The following HYDIN variants were observed in gnomAD, a reference collection of about 807,000 sequenced individuals.
HYDIN encodes HYDIN axonemal central pair apparatus protein.
HYDIN carries 132 observed loss-of-function variants against 403.9 expected under a neutral mutation model. The ratio of observed to expected loss-of-function variants is 0.33; its 90% CI spans 0.28 to 0.38. The LOEUF is 0.38. Among genes scored for constraint, HYDIN ranks in the 10% least tolerant of loss-of-function variants. The pLI is 1.00. For missense variants in HYDIN, 2,827 were observed against 5,009.5 expected (o/e 0.56, Z 13.15); for synonymous variants, 1,202 against 1,891.7 (o/e 0.64, Z 9.46).
Position 70,879,519 on chromosome 16 carries a change from C to T in HYDIN, c.10368-33G>A, listed in dbSNP as rs768715260. ...GGACAGGAAGATTGTAGCCTGTCAG[C>T]CTGGCATGGTGGGAATGACACTCCC... On this transcript the variant is annotated intron_variant, in intron 61 of 85. Coordinates refer to ENST00000393567, the MANE Select transcript of HYDIN (RefSeq NM_001270974.2). 7 of 1,610,024 alleles carry T rather than the reference C, an allele frequency of 4.3e-6. 1 individual carries two copies. The highest frequency in any genetic ancestry group is 2.2e-5 in the South Asian group (2 of 90,518).
At chr16:71,042,670 A>T (rs8046711) in intron 18 of HYDIN, among the ~76,000 whole-genome samples, 1 of 152,190 alleles carries the variant, frequency 6.6e-6, no homozygotes. Context: ...GTTTTCATGT[A>T]TCTATCATGG....
chr16:71,162,116 AC>A (rs927191836), intron 6 of HYDIN, among the ~76,000 whole-genome samples: 2 of 147,760 alleles, frequency 1.4e-5, no homozygotes, highest in Non-Finnish European at 3.0e-5. Context: ...GCAACTTCTG[AC>A]CCACTGAAAA....
chr16:71,190,346 T>TAAAA lies in HYDIN; in HGVS notation c.-23-3432_-23-3429dup, dbSNP rs11330665. On this transcript the variant is annotated intron_variant, in intron 1 of 85. Coordinates refer to ENST00000393567, the MANE Select transcript of HYDIN (RefSeq NM_001270974.2). ...AACCAAAGATGAGACAATTTGAGCA[T>TAAAA]AAAAAAAAAAAAGTCGGCAATAGAT... Among the ~76,000 whole-genome samples the TAAAA allele has an allele frequency of 1.8e-3, 266 of 147,976 alleles. 1 individual carries two copies. Among genetic ancestry groups the TAAAA allele is most frequent in the African/African-American group, 5.4e-3 (221 of 40,746 alleles).
At chr16:70,919,301 G>A (rs1394381807) in intron 46 of HYDIN, among the ~76,000 whole-genome samples, 1 of 152,104 alleles carries the variant, frequency 6.6e-6, no homozygotes, top group East Asian at 1.9e-4. Context: ...AGATGTTCTT[G>A]TTATAGTCCT....
intron 10 of HYDIN, among the ~76,000 whole-genome samples, chr16:71,098,203 C>CTTT (rs374205374): frequency 7.7e-6 from 1 of 130,382 alleles, no homozygotes; most frequent in Non-Finnish European, 1.5e-5. Context: ...AACTTTCTTT[C>CTTT]TTTTTTTTTT....
intron 6 of HYDIN, among the ~76,000 whole-genome samples, chr16:71,154,317 C>T (rs909017646): frequency 1.4e-5 from 2 of 146,926 alleles, no homozygotes; most frequent in African/African-American, 2.5e-5. Context: ...TTATGGGGTA[C>T]GTGAGATGTT....
At chr16:70,811,257 A>G (rs1411207648) in intron 84 of HYDIN, 1 of 152,062 alleles carries the variant, frequency 6.6e-6, no homozygotes, top group Non-Finnish European at 1.5e-5. Flanking sequence ...GCCTGTTTCT[A>G]CAAACAACAA....
chr16:71,092,565 G>A (rs1455996974), intron 11 of HYDIN, among the ~76,000 whole-genome samples: 1 of 152,064 alleles, frequency 6.6e-6, no homozygotes, highest in Admixed American at 6.6e-5. Context: ...GGTTTTTATT[G>A]TTTTGGGGTG....
rs202163718 is a variant in HYDIN at position 71,050,633 on chromosome 16, G to A, written c.2529+9871C>T. ...GCCTTTTCTAGAACGTCATACAATT[G>A]GAATCATACATATGTAGCCTCTTCA... On this transcript the variant is annotated intron_variant, in intron 18 of 85. Coordinates refer to ENST00000393567, the MANE Select transcript of HYDIN (RefSeq NM_001270974.2). Among the ~76,000 whole-genome samples the A allele has an allele frequency of 7.0e-4, 106 of 151,272 alleles. No homozygotes were observed. The East Asian group carries it at 0.02, about 28-fold the overall frequency.
chr16:70,961,561 T>C (rs903201890), intron 38 of HYDIN, among the ~76,000 whole-genome samples: 3 of 152,014 alleles, frequency 2.0e-5, no homozygotes, highest in African/African-American at 7.2e-5. Context: ...TGCCAGAAAA[T>C]GGGGCCATAA....
Position 71,200,054 on chromosome 16 carries a change from C to T in HYDIN, c.-23-13136G>A, listed in dbSNP as rs191182419. ...AAGCCCACCAAAACCAAGATGGCCA[C>T]GAGAATGACCTCTGGTCGTCTTCAC... On this transcript the variant is annotated intron_variant, in intron 1 of 85. Transcript: ENST00000393567. Among the ~76,000 whole-genome samples the T allele has an allele frequency of 2.2e-4, 33 of 152,258 alleles. No homozygotes were observed. The East Asian group carries it at 5.8e-3, about 27-fold the overall frequency.
chr16:71,038,425 G>C (rs2081170393), intron 18 of HYDIN, among the ~76,000 whole-genome samples: 1 of 151,990 alleles, frequency 6.6e-6, no homozygotes, highest in East Asian at 1.9e-4. Flanking sequence ...ATCACCGGGA[G>C]TGTGGCTAAT....
chr16:71,045,717 G>A (rs1046852745), intron 18 of HYDIN, among the ~76,000 whole-genome samples: 1 of 104,026 alleles, frequency 9.6e-6, no homozygotes, highest in African/African-American at 3.6e-5. Context: ...GTGCTAGGAA[G>A]CATCTTTACA....
intron 36 of HYDIN, among the ~76,000 whole-genome samples, chr16:70,966,865 A>G (rs990807034): frequency 1.3e-4 from 20 of 151,402 alleles, no homozygotes; most frequent in Admixed American, 1.3e-4. Context: ...GGCATTCAAT[A>G]TGTCTTAGTG....
intron 8 of HYDIN, among the ~76,000 whole-genome samples, chr16:71,136,038 G>C (rs1264230704): frequency 6.6e-6 from 1 of 151,750 alleles, no homozygotes; most frequent in African/African-American, 2.4e-5. Flanking sequence ...AAAATGGAAA[G>C]GCAAATAAAA....
At position 71,175,588 on chromosome 16, in the gene HYDIN, T is replaced by C; in HGVS notation, c.516+19A>G. 1 of 1,612,460 alleles carries C rather than the reference T, an allele frequency of 6.2e-7. No individual in the cohort carries two copies. Among genetic ancestry groups the C allele is most frequent in the South Asian group, 1.1e-5 (1 of 90,978 alleles). ...TCTGCCAGTACAAGTGTCCAATTTCTTGCCATTCCTGGTATTACCTTGTTC... is the reference window on the plus strand; with the variant it reads ...TCTGCCAGTACAAGTGTCCAATTTCCTGCCATTCCTGGTATTACCTTGTTC... On this transcript the variant is annotated intron_variant, in intron 5 of 85. Transcript: ENST00000393567.
At chr16:71,178,280 G>A (rs1597959584) in intron 4 of HYDIN, among the ~76,000 whole-genome samples, 1 of 151,824 alleles carries the variant, frequency 6.6e-6, no homozygotes, top group South Asian at 2.1e-4. Context: ...TTAGTTGCGT[G>A]TGGTGGCGCA....
At position 70,965,920 on chromosome 16, in the gene HYDIN, A is replaced by G. The variant is rs368030785; in HGVS notation, c.5620-1024T>C. The stretch of plus-strand genomic sequence containing the variant: ...GTGGCAATGATGCTGGGAAAGACAC[A>G]TTGACCACTGAAATAGAAGAGAGAG... On this transcript the variant is annotated intron_variant, in intron 36 of 85. Coordinates refer to ENST00000393567, the MANE Select transcript of HYDIN (RefSeq NM_001270974.2). Among the ~76,000 whole-genome samples, 66 of 152,322 alleles carry G rather than the reference A, an allele frequency of 4.3e-4. 1 individual carries two copies. Among genetic ancestry groups the G allele is most frequent in the African/African-American group, 1.5e-3 (64 of 41,578 alleles).
chr16:70,945,016 G>A (rs575107574), intron 41 of HYDIN, among the ~76,000 whole-genome samples: 61 of 152,332 alleles, frequency 4.0e-4, no homozygotes, highest in African/African-American at 1.5e-3. Flanking sequence ...GCCTCCCAAA[G>A]TGCTGGGATT....
Sources: allele counts gnomAD v4.1 joint callset (sites outside exome capture counted in the v4.1 genomes callset), GRCh38; gene constraint gnomAD v4.1.1; transcripts MANE v1.5; gene names NCBI Gene and HGNC (gene_info 2026-07-23, HGNC 2026-07-21).